The following TTC6 variants were observed in gnomAD, a reference collection of about 807,000 sequenced individuals.
TTC6 encodes the protein tetratricopeptide repeat domain 6.
A neutral mutation model predicts 210.4 loss-of-function variants in TTC6; 172 were observed. The ratio of observed to expected loss-of-function variants is 0.82; its 90% CI spans 0.72 to 0.93. The LOEUF (loss-of-function observed/expected upper bound fraction) is 0.93. Ranked by LOEUF, TTC6 falls within the 40% of genes least tolerant of loss-of-function variation. TTC6 has a pLI of 0.00. For synonymous variants in TTC6, 804 were observed against 819.6 expected, an observed-to-expected ratio of 0.98 and a Z score of 0.32; for missense variants, 2,414 against 2,318.1, an observed-to-expected ratio of 1.04 and a Z score of -0.85.
intron 11 of TTC6, 150 bp downstream of exon 13, chr14:37,749,551 A>T: frequency 9.1e-7 from 1 of 1,099,158 alleles, no homozygotes; most frequent in Non-Finnish European, 1.2e-6. Context: ...TTTTCAAGTA[A>T]TTAATATTAA....
chr14:37,764,384 A>G (rs746628714), intron 14 of TTC6, among the ~76,000 whole-genome samples: 2 of 152,136 alleles, frequency 1.3e-5, no homozygotes, highest in African/African-American at 2.4e-5. Flanking sequence ...GAAGTCTCCA[A>G]CTATTATTAT....
chr14:37,683,928 A>G (rs913522128), intron 3 of TTC6, among the ~76,000 whole-genome samples: 5 of 152,220 alleles, frequency 3.3e-5, no homozygotes, highest in African/African-American at 1.2e-4. Flanking sequence ...GATTATCACC[A>G]GAAATCCTCT....
At position 37,749,756 on chromosome 14, in the gene TTC6, C is replaced by T. The variant is rs1392752410; in HGVS notation, c.2869C>T (p.Arg957Ter). 27 of 1,455,348 alleles carry T rather than the reference C, an allele frequency of 1.9e-5. No homozygotes were observed. Among genetic ancestry groups the T allele is most frequent in the African/African-American group, 2.9e-5 (2 of 69,860 alleles). The allele number at this position is 1,455,348 out of a possible 1,614,324, so 90.2% of individuals were successfully genotyped here. A position where few individuals can be genotyped will look rare whatever the true frequency, so the allele number is the denominator to read the frequency against. Residue 957 changes from arginine (R) to a stop codon, truncating the protein, a stop_gained, in exon 12 of 31, where the codon CGA becomes TGA. Transcript: ENST00000553443. LOFTEE classifies it high-confidence loss of function. ...ATTGTTTCTCAATGCCTATTGGCATCGACATTTAATTTATCTTTTCCAAGA... is the reference window on the plus strand; with the variant it reads ...ATTGTTTCTCAATGCCTATTGGCATTGACATTTAATTTATCTTTTCCAAGA...
chr14:37,772,728 C>T (rs950183950), intron 14 of TTC6, among the ~76,000 whole-genome samples: 8 of 152,268 alleles, frequency 5.3e-5, no homozygotes, highest in Admixed American at 2.0e-4. Context: ...GAGATGAACC[C>T]GGTACCTCAG....
chr14:37,610,676 ACTGCCTGC>A lies in TTC6; in HGVS notation c.-155+3936_-155+3943del, dbSNP rs2095632817. Among the ~76,000 whole-genome samples, 5 of 152,202 alleles carry A rather than the reference ACTGCCTGC, an allele frequency of 3.3e-5. No individual in the cohort carries two copies. In the South Asian group the frequency reaches 1.0e-3, roughly 32 times the overall value. ...TAACTAGCATCCCGACTGCCGTAGT[ACTGCCTGC>A]CCACTCACCATCACCGTCCCACTCC... On this transcript the variant is annotated intron_variant, in intron 2 of 2. Transcript: ENST00000556845.
At chr14:37,731,058 T>C (rs2095884717) in intron 7 of TTC6, among the ~76,000 whole-genome samples, 1 of 152,220 alleles carries the variant, frequency 6.6e-6, no homozygotes, top group South Asian at 2.1e-4. Flanking sequence ...GTGGTAGTTA[T>C]GTTCCATAAA....
At chr14:37,679,389 A>G (rs1307683772) in intron 1 of TTC6, among the ~76,000 whole-genome samples, 1 of 152,114 alleles carries the variant, frequency 6.6e-6, no homozygotes, top group East Asian at 1.9e-4. Context: ...GGAGTGTACT[A>G]TCTTCTTGCC....
At position 37,624,644 on chromosome 14, in the gene TTC6, C is replaced by T. The variant is rs79472754; in HGVS notation, c.939+1641C>T. ...CTCTTGTGTATTCTTTTTTTTTTGA[C>T]GGAGTTTTGCTCTGTCGCTCAGGCT... On this transcript the variant is annotated intron_variant, in intron 1 of 30. Coordinates refer to ENST00000553443, the Ensembl canonical transcript of TTC6. Among the ~76,000 whole-genome samples the T allele has an allele frequency of 4.6e-5, 7 of 150,702 alleles. No individual in the cohort carries two copies. In the East Asian group the frequency reaches 7.8e-4, roughly 17 times the overall value.
intron 30 of TTC6, among the ~76,000 whole-genome samples, chr14:37,841,874 G>A (rs374587918): frequency 2.6e-5 from 4 of 152,112 alleles, no homozygotes; most frequent in African/African-American, 4.8e-5. Flanking sequence ...CTGAGATATA[G>A]GGAATTATTA....
chr14:37,749,129 G>C, exon 11 of TTC6: 2 of 1,535,644 alleles, frequency 1.3e-6, no homozygotes, highest in East Asian at 2.4e-5. Context: ...TGAGTACAAA[G>C]ATGCGAGCAT....
At chr14:37,742,680 A>T (rs2095924290) in intron 10 of TTC6, among the ~76,000 whole-genome samples, 1 of 152,026 alleles carries the variant, frequency 6.6e-6, no homozygotes, top group Non-Finnish European at 1.5e-5. Flanking sequence ...GGGCTCCCAA[A>T]GGGCTGAGAT....
At position 37,806,637 on chromosome 14, in the gene TTC6, A is replaced by T. The variant is rs866023736; in HGVS notation, c.4314+127A>T. 2.1e-5 allele frequency: 19 copies of T among 896,128 alleles called. No homozygotes were observed. In the African/African-American group the frequency reaches 2.8e-4, roughly 13 times the overall value. The allele number at this position is 896,128 out of a possible 1,614,324, so 55.5% of individuals were successfully genotyped here. ...TTATACCTACTTTTCACTTAACTTT[A>T]TTTTCATAATCCAAATAGCTGTATT... On this transcript the variant is annotated intron_variant, in intron 22 of 30. Coordinates refer to ENST00000553443, the Ensembl canonical transcript of TTC6.
At chr14:37,628,361 TG>T (rs751694070) in intron 1 of TTC6, among the ~76,000 whole-genome samples, 1 of 152,218 alleles carries the variant, frequency 6.6e-6, no homozygotes, top group Non-Finnish European at 1.5e-5. Flanking sequence ...TAATGACCAG[TG>T]ATGATGAGCT....
intron 1 of TTC6, among the ~76,000 whole-genome samples, chr14:37,669,379 A>G (rs1193080066): frequency 1.3e-5 from 2 of 152,194 alleles, no homozygotes; most frequent in African/African-American, 4.8e-5. Context: ...GGGAAGAGAA[A>G]GGATCTCAAA....
chr14:37,624,859 G>A (rs538388819), intron 1 of TTC6, among the ~76,000 whole-genome samples: 98 of 152,156 alleles, frequency 6.4e-4, no homozygotes, highest in African/African-American at 2.2e-3. Context: ...CTGACCTCGT[G>A]ATCCGCCCGC....
chr14:37,711,610 A>C, intron 5 of TTC6, among the ~76,000 whole-genome samples: 1 of 151,954 alleles, frequency 6.6e-6, no homozygotes. Flanking sequence ...AGGTTGGGGG[A>C]AGGAAGCAGA....
upstream of TTC6, chr14:37,622,036 G>T (rs1290894031): frequency 6.8e-7 from 1 of 1,461,520 alleles, no homozygotes; most frequent in African/African-American, 1.4e-5. Flanking sequence ...TTGTTTTGGG[G>T]GCTTACTTTA....
chr14:37,748,975 A>G (rs1222657655), exon 11 of TTC6: 3 of 1,527,484 alleles, frequency 2.0e-6, no homozygotes, highest in Admixed American at 2.0e-5. Flanking sequence ...GACAGAAGAA[A>G]TATTTGTTCA....
chr14:37,742,775 G>T (rs1289367336), intron 10 of TTC6, among the ~76,000 whole-genome samples: 2 of 152,124 alleles, frequency 1.3e-5, no homozygotes, highest in African/African-American at 4.8e-5. Flanking sequence ...TGGCAGCAGT[G>T]ATGTTCTAGG....
Sources: allele counts gnomAD v4.1 joint callset (sites outside exome capture counted in the v4.1 genomes callset), GRCh38; gene constraint gnomAD v4.1.1; transcripts MANE v1.5; gene names NCBI Gene and HGNC (gene_info 2026-07-23, HGNC 2026-07-21).